The following C8orf34 variants were observed in gnomAD, a reference collection of about 807,000 sequenced individuals.
C8orf34 encodes uncharacterized protein C8orf34.
A neutral mutation model predicts 68.3 loss-of-function variants in C8orf34; 65 were observed. That is an observed-to-expected ratio of 0.95 (90% CI 0.78 to 1.17). The LOEUF is 1.17. Ranked by LOEUF, C8orf34 falls within the 50% of genes most tolerant of loss-of-function variation. The probability of loss-of-function intolerance (pLI) is 0.00; values close to 1 mark genes in which losing one functional copy is unlikely to be tolerated. For missense variants in C8orf34, 664 were observed against 655.4 expected (o/e 1.01, Z -0.14); for synonymous variants, 244 against 241.2 (o/e 1.01, Z -0.11).
At chr8:68,365,848 G>GCCCT in intron 1 of C8orf34, among the ~76,000 whole-genome samples, 1 of 48,800 alleles carries the variant, frequency 2.0e-5, no homozygotes, top group Admixed American at 2.0e-4. Context: ...AGACAGGGAT[G>GCCCT]CCCTCTCTCA....
intron 7 of C8orf34, among the ~76,000 whole-genome samples, chr8:68,593,732 C>G (rs1397603217): frequency 1.3e-5 from 2 of 151,708 alleles, no homozygotes; most frequent in South Asian, 2.1e-4. Context: ...AAAAAAGTAC[C>G]TTTTAGTTTT....
At chr8:68,365,300 C>T (rs1329217548) in intron 1 of C8orf34, among the ~76,000 whole-genome samples, 4 of 79,326 alleles carry the variant, frequency 5.0e-5, no homozygotes, top group African/African-American at 1.1e-4. Context: ...GATTCACAGC[C>T]GAATTCTACC....
At chr8:68,521,996 T>C in intron 6 of C8orf34, 25 bp downstream of exon 6, 1 of 1,595,728 alleles carries the variant, frequency 6.3e-7, no homozygotes, top group South Asian at 1.1e-5. Context: ...CTGCTGAGAT[T>C]CTATATTACT....
intron 8 of C8orf34, among the ~76,000 whole-genome samples, chr8:68,643,590 G>A (rs1221893302): frequency 6.6e-6 from 1 of 152,128 alleles, no homozygotes; most frequent in Non-Finnish European, 1.5e-5. Context: ...CTTCCTCATA[G>A]ATGGCTGTCT....
chr8:68,340,790 T>C (rs1806038010), intron 1 of C8orf34, among the ~76,000 whole-genome samples: 1 of 152,236 alleles, frequency 6.6e-6, no homozygotes, highest in Non-Finnish European at 1.5e-5. Context: ...CTTCCCAGTT[T>C]ATTTTATGAA....
intron 7 of C8orf34, 142 bp downstream of exon 7, chr8:68,533,291 ACT>A: frequency 7.2e-7 from 1 of 1,389,604 alleles, no homozygotes; most frequent in Non-Finnish European, 9.3e-7. Flanking sequence ...TTTACATTAG[ACT>A]CACATAAAGT....
chr8:68,747,037 T>G (rs1485366061), intron 10 of C8orf34, among the ~76,000 whole-genome samples: 2 of 149,942 alleles, frequency 1.3e-5, no homozygotes, highest in African/African-American at 4.9e-5. Flanking sequence ...TTATCCACCA[T>G]GATCAAGTGG....
intron 10 of C8orf34, among the ~76,000 whole-genome samples, chr8:68,774,647 T>C (rs1024578095): frequency 6.6e-5 from 10 of 152,050 alleles, no homozygotes; most frequent in Non-Finnish European, 1.5e-5. Context: ...TTCTAAGTTT[T>C]GGGGAATACC....
At chr8:68,558,141 T>A (rs1168197746) in intron 7 of C8orf34, among the ~76,000 whole-genome samples, 3 of 152,146 alleles carry the variant, frequency 2.0e-5, no homozygotes, top group African/African-American at 7.2e-5. Flanking sequence ...TTTTTATAGA[T>A]AAAAGTTATA....
At chr8:68,399,965 A>G (rs1808877732) in intron 1 of C8orf34, among the ~76,000 whole-genome samples, 4 of 152,064 alleles carry the variant, frequency 2.6e-5, no homozygotes, top group Admixed American at 6.6e-5. Context: ...CTTCTTTTGA[A>G]AAATGTATAT....
At chr8:68,621,623 T>G (rs945634011) in intron 7 of C8orf34, among the ~76,000 whole-genome samples, 1 of 152,196 alleles carries the variant, frequency 6.6e-6, no homozygotes, top group Non-Finnish European at 1.5e-5. Flanking sequence ...CTTGCCATTT[T>G]ATAACTAGGA....
chr8:68,507,894 T>C (rs548911625), intron 5 of C8orf34, among the ~76,000 whole-genome samples: 1 of 152,232 alleles, frequency 6.6e-6, no homozygotes, highest in Admixed American at 6.5e-5. Flanking sequence ...TTTCTAGATT[T>C]AATTACTGGT....
chr8:68,689,988 G>A (rs1010704895), intron 8 of C8orf34, among the ~76,000 whole-genome samples: 12 of 151,984 alleles, frequency 7.9e-5, no homozygotes, highest in Admixed American at 6.6e-4. Flanking sequence ...TAGTTTTAAA[G>A]TAGTCAAATT....
At chr8:68,364,845 C>G (rs530249742) in intron 1 of C8orf34, among the ~76,000 whole-genome samples, 1,640 of 151,768 alleles carry the variant, frequency 0.011, 17 homozygotes, top group African/African-American at 0.037. Flanking sequence ...ACTAGAAAAG[C>G]AAGAGCAAAC....
chr8:68,789,131 G>C (rs560388791), intron 12 of C8orf34, among the ~76,000 whole-genome samples: 40 of 152,082 alleles, frequency 2.6e-4, no homozygotes, highest in African/African-American at 8.0e-4. Context: ...CTAGATTTTG[G>C]CTGTAGTGGT....
rs1354720275 is a variant in C8orf34 at position 68,331,161 on chromosome 8, T to C, written c.149T>C (p.Leu50Pro). The change falls in exon 1 of 14, where the codon CTC (leucine) becomes CCC (proline). Residue 50 changes from leucine (L) to proline (P), a missense_variant. Transcript: ENST00000518698. ...GRASHAGQPR[L>P]RSSCPGPSPG... ...GCCAGCCACGCAGGGCAGCCGAGGC[T>C]CCGGAGCTCCTGTCCCGGCCCCAGT... is the stretch of plus-strand genomic sequence containing the variant. The C allele has an allele frequency of 9.8e-6, 15 of 1,528,922 alleles. No homozygotes were observed. The highest frequency in any genetic ancestry group is 1.3e-5 in the Non-Finnish European group (15 of 1,141,982). 94.7% of individuals were successfully genotyped at this position (1,528,922 alleles called of 1,614,324 possible). A position where few individuals can be genotyped will look rare whatever the true frequency, so the allele number is the denominator to read the frequency against.
In C8orf34 at chr8:68,818,912, A is replaced by G. The variant is rs1824897934; in HGVS notation, c.*666A>G. ...AAATCGTTTGACCATTTATCCAATT[A>G]TTGAACCCAATTAAGATGATCCATT... On this transcript the variant is annotated 3_prime_UTR_variant, in exon 14 of 14. Coordinates refer to ENST00000518698, the MANE Select transcript of C8orf34 (RefSeq NM_052958.4). The G allele has an allele frequency of 6.6e-6, 1 of 152,186 alleles. No homozygotes were observed. The highest frequency in any genetic ancestry group is 6.5e-5 in the Admixed American group (1 of 15,276). 9.4% of individuals were successfully genotyped at this position (152,186 alleles called of 1,614,324 possible).
chr8:68,412,667 A>C (rs964140816), intron 1 of C8orf34, among the ~76,000 whole-genome samples: 5 of 152,086 alleles, frequency 3.3e-5, no homozygotes, highest in African/African-American at 1.2e-4. Context: ...CTCCTCTTAT[A>C]CAGCGATTTT....
At chr8:68,513,864 G>T (rs1164780364) in intron 5 of C8orf34, among the ~76,000 whole-genome samples, 2 of 152,082 alleles carry the variant, frequency 1.3e-5, no homozygotes, top group African/African-American at 2.4e-5. Flanking sequence ...CCCAGAAAAG[G>T]AAGGAAAAGG....
Sources: gnomAD v4.1 joint callset for allele counts (sites outside exome capture counted in the v4.1 genomes callset) on GRCh38, gnomAD v4.1.1 for gene constraint, MANE v1.5 for transcripts, NCBI Gene and HGNC (gene_info 2026-07-23, HGNC 2026-07-21) for gene names.